ERO1B: variants seen among roughly 807,000 people sequenced by gnomAD.
ERO1B encodes endoplasmic reticulum oxidoreductase 1 beta.
In ERO1B, 49 loss-of-function variants were observed where a neutral mutation model predicts 75.3. The ratio of observed to expected loss-of-function variants is 0.65; its 90% CI spans 0.52 to 0.83. The LOEUF is 0.83. ERO1B is among the 40% of genes least tolerant of loss of function. ERO1B has a pLI of 0.00. For missense variants in ERO1B, 512 were observed against 560.1 expected (o/e 0.91, Z 0.87); for synonymous variants, 191 against 192.9 (o/e 0.99, Z 0.08).
intron 14 of ERO1B, among the ~76,000 whole-genome samples, chr1:236,221,437 T>G (rs1442099886): frequency 2.0e-5 from 3 of 152,206 alleles, no homozygotes; most frequent in African/African-American, 7.2e-5. Context: ...ACCATCTTTG[T>G]TAGAAAGAGA....
intron 10 of ERO1B, among the ~76,000 whole-genome samples, chr1:236,229,613 G>C (rs767523000): frequency 6.6e-6 from 1 of 151,910 alleles, no homozygotes. Flanking sequence ...ATGGCAATTT[G>C]GTAAGGTAAA....
intron 1 of ERO1B, among the ~76,000 whole-genome samples, chr1:236,272,415 A>AT (rs1328395717): frequency 1.3e-4 from 20 of 152,342 alleles, no homozygotes; most frequent in African/African-American, 4.3e-4. Context: ...TTGCAGCAAC[A>AT]TGGATGCAGC....
chr1:236,281,395 A>C (rs1285465147), intron 1 of ERO1B: 1 of 286,100 alleles, frequency 3.5e-6, no homozygotes, highest in African/African-American at 2.2e-5. Context: ...CAGCCGCTTA[A>C]CACATCCGAG....
At chr1:236,261,465 C>T (rs557106767) in intron 2 of ERO1B, among the ~76,000 whole-genome samples, 53 of 152,186 alleles carry the variant, frequency 3.5e-4, no homozygotes, top group African/African-American at 1.1e-3. Flanking sequence ...TTGCAGGTTA[C>T]GATGTCAGCA....
chr1:236,234,605 T>G (rs1189762713), intron 8 of ERO1B, among the ~76,000 whole-genome samples: 2 of 152,222 alleles, frequency 1.3e-5, no homozygotes, highest in African/African-American at 4.8e-5. Flanking sequence ...ACCAACTTCC[T>G]TCTCCAGGCA....
intron 6 of ERO1B, 40 bp from the exon 7 acceptor site, chr1:236,236,438 C>G (rs767827187): frequency 1.2e-6 from 2 of 1,607,292 alleles, no homozygotes; most frequent in South Asian, 2.2e-5. Flanking sequence ...CCATATTTCA[C>G]CATTTATCTA....
At position 236,220,929 on chromosome 1, in the gene ERO1B, A is replaced by C. The variant is rs1334947621; in HGVS notation, c.1246T>G (p.Ser416Ala). 6.2e-7 allele frequency: 1 copy of C among 1,602,902 alleles called. No homozygotes were observed. The highest frequency in any genetic ancestry group is 1.3e-5 in the African/African-American group (1 of 74,576). ...GGAAGCTTTTGGATTTCTTTTTCAG[A>C]GAATAATATCTTCAGGGCAGTTCCT... ...GLGTALKILFSEKEIQKLPEN... is the reference protein window; with the variant it reads ...GLGTALKILFAEKEIQKLPEN... The change falls in exon 15 of 16, where the codon TCT becomes GCT. Residue 416 changes from serine (S) to alanine (A), a missense_variant. Coordinates refer to ENST00000354619, the MANE Select transcript of ERO1B (RefSeq NM_019891.4).
intron 1 of ERO1B, among the ~76,000 whole-genome samples, chr1:236,274,473 C>T (rs796847317): frequency 1.3e-5 from 2 of 151,962 alleles, no homozygotes; most frequent in Non-Finnish European, 2.9e-5. Flanking sequence ...AGGTTATCTT[C>T]TTCATACTCA....
intron 2 of ERO1B, among the ~76,000 whole-genome samples, chr1:236,269,117 C>T (rs1287419193): frequency 2.0e-5 from 3 of 152,026 alleles, no homozygotes; most frequent in Non-Finnish European, 4.4e-5. Flanking sequence ...CGCCTGTAAT[C>T]CCAGCTACTC....
At chr1:236,249,853 T>A (rs373667512) in intron 5 of ERO1B, 32 bp downstream of exon 5, 32 of 1,467,442 alleles carry the variant, frequency 2.2e-5, no homozygotes, top group African/African-American at 2.8e-5. Flanking sequence ...TCAATGAGAA[T>A]ATTTTCTTAA....
chr1:236,269,386 A>G (rs1005930420), intron 2 of ERO1B, among the ~76,000 whole-genome samples: 3 of 152,182 alleles, frequency 2.0e-5, no homozygotes, highest in Non-Finnish European at 4.4e-5. Flanking sequence ...TCTAGAGTAG[A>G]CTATTACTAG....
At chr1:236,267,369 T>C (rs1003014222) in intron 2 of ERO1B, among the ~76,000 whole-genome samples, 2 of 152,250 alleles carry the variant, frequency 1.3e-5, no homozygotes, top group African/African-American at 4.8e-5. Flanking sequence ...TATTACTTTT[T>C]CATTTGAAAA....
At position 236,236,339 on chromosome 1, in the gene ERO1B, C is replaced by T. The variant is rs1486188456; in HGVS notation, c.565G>A (p.Gly189Ser). 6.2e-7 allele frequency: 1 copy of T among 1,613,922 alleles called. No individual in the cohort carries two copies. The highest frequency in any genetic ancestry group is 8.5e-7 in the Non-Finnish European group (1 of 1,179,982). The change falls in exon 7 of 16, where the codon GGC becomes AGC. Residue 189 changes from glycine (G) to serine (S), a missense_variant. Gly to Ser is a moderately conservative substitution (Grantham distance 56). Transcript: ENST00000354619. ...CTCCATGCAGAGGTCCCTTTATAGC[C>T]AGTGTAACGCTCTGGGTTCAGCAAT... Reference protein sequence around the residue: ...DLLLNPERYTGYKGTSAWRVW... With the variant: ...DLLLNPERYTSYKGTSAWRVW...
intron 5 of ERO1B, among the ~76,000 whole-genome samples, chr1:236,247,633 T>C (rs1379045826): frequency 1.3e-5 from 2 of 152,152 alleles, no homozygotes; most frequent in Non-Finnish European, 1.5e-5. Context: ...TGAGTTTTAT[T>C]CCACCCAGTC....
intron 2 of ERO1B, 30 bp downstream of exon 2, chr1:236,269,845 T>C (rs1212543966): frequency 9.7e-6 from 15 of 1,540,554 alleles, no homozygotes; most frequent in Non-Finnish European, 1.3e-5. Flanking sequence ...ATACCTTTGA[T>C]ATCAACAGAA....
intron 5 of ERO1B, among the ~76,000 whole-genome samples, chr1:236,244,420 G>C (rs1664788843): frequency 6.6e-6 from 1 of 152,128 alleles, no homozygotes; most frequent in Middle Eastern, 3.4e-3. Context: ...TTTTCCCTAT[G>C]GGAGTATATA....
At position 236,226,559 on chromosome 1, in the gene ERO1B, A is replaced by AT. The variant is rs35475164; in HGVS notation, c.806-45dup. The AT allele has an allele frequency of 2.6e-5, 42 of 1,595,570 alleles. 1 individual carries two copies. Among genetic ancestry groups the AT allele is most frequent in the Middle Eastern group, 3.4e-4 (2 of 5,950 alleles). ...ACATTACATTGTTTTAGTAAACAGG[A>AT]TTTTTTTTCTGCTCTAAAGAATATG... On this transcript the variant is annotated intron_variant, in intron 11 of 15. Coordinates refer to ENST00000354619, the MANE Select transcript of ERO1B (RefSeq NM_019891.4).
rs57596875 is a variant in ERO1B at position 236,279,504 on chromosome 1, C to CAAAAAAAAA, written c.102+2169_102+2177dup. Among the ~76,000 whole-genome samples the CAAAAAAAAA allele has an allele frequency of 2.3e-4, 18 of 78,540 alleles. 2 individuals carry two copies. The highest frequency in any genetic ancestry group is 6.0e-4 in the South Asian group (1 of 1,680). 51.5% of individuals were successfully genotyped at this position (78,540 alleles called of 152,430 possible). On this transcript the variant is annotated intron_variant, in intron 1 of 15. Coordinates refer to ENST00000354619, the MANE Select transcript of ERO1B (RefSeq NM_019891.4). ...GGTGACACAGAGCGAGACTCCATCT[C>CAAAAAAAAA]AAAAAAAAAAAAAAAACAGCACAGT...
intron 13 of ERO1B, among the ~76,000 whole-genome samples, chr1:236,224,603 C>G (rs1441601102): frequency 6.6e-6 from 1 of 152,110 alleles, no homozygotes; most frequent in East Asian, 1.9e-4. Context: ...AAAACATATT[C>G]TCCTTCTGAT....
Sources: allele counts gnomAD v4.1 joint callset (sites outside exome capture counted in the v4.1 genomes callset), GRCh38; gene constraint gnomAD v4.1.1; transcripts MANE v1.5; gene names NCBI Gene and HGNC (gene_info 2026-07-23, HGNC 2026-07-21).